The following NEK7 variants were observed in gnomAD, a reference collection of about 807,000 sequenced individuals.
NEK7 encodes the protein serine/threonine-protein kinase Nek7.
NEK7 carries 18 observed loss-of-function variants against 44.6 expected under a neutral mutation model. The observed-to-expected ratio is 0.40, with a 90% confidence interval of 0.28 to 0.60. NEK7 has a LOEUF of 0.60. NEK7 is among the 20% of genes least tolerant of loss of function. The pLI is 0.38. For synonymous variants in NEK7, 130 were observed against 121.1 expected (o/e 1.07, Z -0.48); for missense variants, 256 against 366.5 (o/e 0.70, Z 2.46).
At chr1:198,182,422 T>C (rs1241999441) in intron 1 of NEK7, among the ~76,000 whole-genome samples, 1 of 152,080 alleles carries the variant, frequency 6.6e-6, no homozygotes, top group Non-Finnish European at 1.5e-5. Context: ...TAAAAGTGTG[T>C]GTATGTGTGT....
chr1:198,207,542 C>G (rs1665633613), intron 1 of NEK7, among the ~76,000 whole-genome samples: 1 of 152,136 alleles, frequency 6.6e-6, no homozygotes, highest in Non-Finnish European at 1.5e-5. Context: ...AATGAACAAA[C>G]TGTGTAACCT....
chr1:198,210,117 CA>C (rs1665720480), intron 1 of NEK7, among the ~76,000 whole-genome samples: 1 of 152,008 alleles, frequency 6.6e-6, no homozygotes, highest in African/African-American at 2.4e-5. Flanking sequence ...TTTTTAGGGA[CA>C]GGGTCCTACT....
chr1:198,189,773 C>G (rs1665020999), intron 1 of NEK7, among the ~76,000 whole-genome samples: 1 of 152,098 alleles, frequency 6.6e-6, no homozygotes, highest in Non-Finnish European at 1.5e-5. Context: ...AGCTACCAAG[C>G]TCAAGTGATA....
intron 1 of NEK7, among the ~76,000 whole-genome samples, chr1:198,215,798 T>TA (rs1665901231): frequency 7.9e-6 from 1 of 126,876 alleles, no homozygotes; most frequent in Non-Finnish European, 1.6e-5. Flanking sequence ...GCAGTAACAG[T>TA]AAAAAAATAA....
At chr1:198,220,901 C>T (rs1666062674) in intron 1 of NEK7, 2 of 151,868 alleles carry the variant, frequency 1.3e-5, no homozygotes, top group Admixed American at 1.3e-4. Context: ...AATGAAATGT[C>T]TTATTAATAT....
chr1:198,164,123 A>G (rs1039504608), intron 1 of NEK7, among the ~76,000 whole-genome samples: 3 of 152,220 alleles, frequency 2.0e-5, no homozygotes, highest in Non-Finnish European at 4.4e-5. Context: ...AGCTGTCAGT[A>G]AAGATTGTCT....
rs545299769 is a variant in NEK7 at position 198,302,161 on chromosome 1, A to T, written c.798+4921A>T. Among the ~76,000 whole-genome samples, 1,465 of 152,282 alleles carry T rather than the reference A, an allele frequency of 9.6e-3. 25 individuals are homozygous for T. Among genetic ancestry groups the T allele is most frequent in the African/African-American group, 0.033 (1,371 of 41,548 alleles). ...ACAGATAGAAAACTATTTGTTTTTT[A>T]AAAAGATCAAGTAATGAGCCCACTC... On this transcript the variant is annotated intron_variant, in intron 9 of 9. Transcript: ENST00000367385.
chr1:198,203,657 G>A (rs980916091), intron 1 of NEK7, among the ~76,000 whole-genome samples: 1 of 152,198 alleles, frequency 6.6e-6, no homozygotes, highest in African/African-American at 2.4e-5. Flanking sequence ...GTAACATCAT[G>A]TGTTTGAAAA....
rs183363884 is a variant in NEK7 at position 198,321,376 on chromosome 1, T to A, written c.*1854T>A. 1 of 152,304 alleles carries A rather than the reference T, an allele frequency of 6.6e-6. No individual in the cohort carries two copies. The highest frequency in any genetic ancestry group is 6.5e-5 in the Admixed American group (1 of 15,300). The allele number at this position is 152,304 out of a possible 1,614,324, so 9.4% of individuals were successfully genotyped here. On this transcript the variant is annotated 3_prime_UTR_variant, in exon 10 of 10. Transcript: ENST00000367385. The stretch of plus-strand genomic sequence containing the variant: ...TTATACTGAGCATCCATAGATATAT[T>A]CCTAGAAGTATGAGAAGAATTATTC...
intron 7 of NEK7, among the ~76,000 whole-genome samples, chr1:198,286,205 C>T (rs2102995053): frequency 6.6e-6 from 1 of 152,302 alleles, no homozygotes; most frequent in Non-Finnish European, 1.5e-5. Context: ...TATTCTACAT[C>T]TCTTTGAGAT....
chr1:198,252,767 A>G (rs1396398522), intron 2 of NEK7, among the ~76,000 whole-genome samples: 1 of 151,512 alleles, frequency 6.6e-6, no homozygotes, highest in African/African-American at 2.4e-5. Context: ...ACACACATAT[A>G]TATATATGTA....
intron 5 of NEK7, 27 bp downstream of exon 5, chr1:198,264,262 G>T: frequency 6.7e-7 from 1 of 1,491,228 alleles, no homozygotes; most frequent in Non-Finnish European, 9.2e-7. Flanking sequence ...TTGTCTTAAT[G>T]TTTTGTTTTG....
chr1:198,160,189 A>T (rs12754314), intron 1 of NEK7, among the ~76,000 whole-genome samples: 1 of 152,208 alleles, frequency 6.6e-6, no homozygotes, highest in Non-Finnish European at 1.5e-5. Flanking sequence ...AAATGTCGCC[A>T]CCATTCAGGG....
At chr1:198,194,194 A>G (rs749300725) in intron 1 of NEK7, among the ~76,000 whole-genome samples, 1 of 152,256 alleles carries the variant, frequency 6.6e-6, no homozygotes, top group South Asian at 2.1e-4. Flanking sequence ...GATGTTTAGG[A>G]GAGAGGTTGA....
chr1:198,234,499 T>C (rs943517863), intron 2 of NEK7, among the ~76,000 whole-genome samples: 4 of 152,218 alleles, frequency 2.6e-5, no homozygotes, highest in Non-Finnish European at 5.9e-5. Context: ...GTTCATGTTA[T>C]GATTTTGAGA....
At chr1:198,279,589 A>G (rs1303469844) in intron 7 of NEK7, among the ~76,000 whole-genome samples, 2 of 151,966 alleles carry the variant, frequency 1.3e-5, no homozygotes, top group Non-Finnish European at 2.9e-5. Context: ...TAAATACAGG[A>G]CTTAGATCAA....
At chr1:198,218,596 C>T (rs1665992782) in intron 1 of NEK7, among the ~76,000 whole-genome samples, 1 of 151,754 alleles carries the variant, frequency 6.6e-6, no homozygotes, top group South Asian at 2.1e-4. Flanking sequence ...TAAAAAGCTT[C>T]TACACAGCAA....
At chr1:198,239,588 A>G (rs989679600) in intron 2 of NEK7, among the ~76,000 whole-genome samples, 2 of 152,156 alleles carry the variant, frequency 1.3e-5, no homozygotes, top group African/African-American at 4.8e-5. Flanking sequence ...ATGGGTGACT[A>G]TATTAGCATG....
At chr1:198,313,820 A>G (rs1446078045) in intron 9 of NEK7, among the ~76,000 whole-genome samples, 1 of 151,524 alleles carries the variant, frequency 6.6e-6, no homozygotes, top group Non-Finnish European at 1.5e-5. Flanking sequence ...TGTTAGTCTG[A>G]TGGGCTTCCC....
Sources: gnomAD v4.1 joint callset for allele counts (sites outside exome capture counted in the v4.1 genomes callset) on GRCh38, gnomAD v4.1.1 for gene constraint, MANE v1.5 for transcripts, NCBI Gene and HGNC (gene_info 2026-07-23, HGNC 2026-07-21) for gene names.